MAGI2: variants seen among roughly 807,000 people sequenced by gnomAD.
MAGI2 encodes membrane associated guanylate kinase, WW and PDZ domain containing 2, also known as membrane-associated guanylate kinase, WW and PDZ domain-containing protein 2.
In MAGI2, 35 loss-of-function variants were observed where a neutral mutation model predicts 133.3. That is an observed-to-expected ratio of 0.26 (90% CI 0.20 to 0.35). The LOEUF (loss-of-function observed/expected upper bound fraction) is 0.35. Among genes scored for constraint, MAGI2 ranks in the 10% least tolerant of loss-of-function variants. The pLI is 1.00. For missense variants in MAGI2, 1,636 were observed against 1,863.4 expected, an observed-to-expected ratio of 0.88 and a Z score of 2.25; for synonymous variants, 729 against 710.6, an observed-to-expected ratio of 1.03 and a Z score of -0.41.
chr7:79,085,211 G>A (rs144308435), intron 1 of MAGI2, among the ~76,000 whole-genome samples: 85 of 151,734 alleles, frequency 5.6e-4, no homozygotes, highest in African/African-American at 2.0e-3. Flanking sequence ...CAATGTATCT[G>A]TCTTGAAGTT....
chr7:78,033,984 G>A (rs1809890931), intron 21 of MAGI2, among the ~76,000 whole-genome samples: 1 of 152,188 alleles, frequency 6.6e-6, no homozygotes, highest in Admixed American at 6.5e-5. Flanking sequence ...AGTCAACCCA[G>A]AATACCAACA....
At chr7:78,345,417 G>A (rs1276939314) in intron 8 of MAGI2, 1 of 152,778 alleles carries the variant, frequency 6.5e-6, no homozygotes, top group African/African-American at 2.4e-5. Context: ...GGTGTAGTCA[G>A]GTCCCGCAAG....
chr7:78,757,923 T>C (rs992880262), intron 2 of MAGI2, among the ~76,000 whole-genome samples: 1 of 152,172 alleles, frequency 6.6e-6, no homozygotes, highest in Admixed American at 6.6e-5. Flanking sequence ...TCCAGAACGA[T>C]ACACCCAGCT....
intron 6 of MAGI2, among the ~76,000 whole-genome samples, chr7:78,481,230 T>C (rs907073120): frequency 1.3e-5 from 2 of 151,904 alleles, no homozygotes; most frequent in African/African-American, 4.8e-5. Flanking sequence ...CTCACAGTTG[T>C]ACATGGCTGA....
At chr7:79,448,373 G>T (rs1563234832) in intron 1 of MAGI2, among the ~76,000 whole-genome samples, 2 of 151,930 alleles carry the variant, frequency 1.3e-5, no homozygotes, top group African/African-American at 2.4e-5. Flanking sequence ...CAGTTAATTT[G>T]AATTGAGTAA....
intron 2 of MAGI2, among the ~76,000 whole-genome samples, chr7:78,784,724 C>T (rs762328915): frequency 6.6e-6 from 1 of 152,202 alleles, no homozygotes. Flanking sequence ...GTCTATTCTT[C>T]ATGAAGACTA....
chr7:78,941,055 T>A (rs1800925639), intron 2 of MAGI2, among the ~76,000 whole-genome samples: 1 of 151,898 alleles, frequency 6.6e-6, no homozygotes, highest in South Asian at 2.1e-4. Flanking sequence ...TCAGGCTTTA[T>A]ACTTGGCTAT....
chr7:79,331,959 G>A (rs927113411), intron 1 of MAGI2, among the ~76,000 whole-genome samples: 74 of 142,804 alleles, frequency 5.2e-4, no homozygotes, highest in Admixed American at 1.0e-3. Flanking sequence ...AAAAAAAAAG[G>A]AAAAAAAAAT....
intron 3 of MAGI2, among the ~76,000 whole-genome samples, chr7:78,523,915 A>G (rs185343644): frequency 1.3e-5 from 2 of 152,320 alleles, no homozygotes; most frequent in Non-Finnish European, 2.9e-5. Context: ...AGCCCACTCC[A>G]GACACTTATG....
chr7:79,168,936 A>ATT (rs59175251), intron 1 of MAGI2, among the ~76,000 whole-genome samples: 1 of 142,512 alleles, frequency 7.0e-6, no homozygotes, highest in Non-Finnish European at 1.5e-5. Context: ...ATATATATAA[A>ATT]TTTTTTTTCC....
At chr7:78,457,487 GAAT>G (rs1431896791) in intron 6 of MAGI2, among the ~76,000 whole-genome samples, 1 of 152,078 alleles carries the variant, frequency 6.6e-6, no homozygotes, top group Admixed American at 6.6e-5. Flanking sequence ...TTCCAAATTG[GAAT>G]AATAAGGTCT....
chr7:78,302,652 T>TC (rs1254117483), intron 9 of MAGI2, among the ~76,000 whole-genome samples: 2 of 152,206 alleles, frequency 1.3e-5, no homozygotes, highest in African/African-American at 4.8e-5. Flanking sequence ...CTAATACATT[T>TC]CAGGCACTGC....
At chr7:79,176,474 T>A (rs920995335) in intron 1 of MAGI2, among the ~76,000 whole-genome samples, 2 of 152,056 alleles carry the variant, frequency 1.3e-5, no homozygotes, top group African/African-American at 4.8e-5. Context: ...CAAGGTCAAC[T>A]CCATCTCAGA....
intron 2 of MAGI2, among the ~76,000 whole-genome samples, chr7:78,890,179 A>G (rs1290607965): frequency 6.6e-6 from 1 of 152,222 alleles, no homozygotes; most frequent in Non-Finnish European, 1.5e-5. Context: ...AGAGCTAACT[A>G]TCCTAAATAT....
At chr7:79,140,316 C>T (rs2129546121) in intron 1 of MAGI2, among the ~76,000 whole-genome samples, 1 of 152,264 alleles carries the variant, frequency 6.6e-6, no homozygotes, top group South Asian at 2.1e-4. Context: ...AATTTAATCT[C>T]TGCATATCTA....
chr7:78,754,403 A>C (rs1178843192), intron 2 of MAGI2, among the ~76,000 whole-genome samples: 1 of 151,806 alleles, frequency 6.6e-6, no homozygotes, highest in Non-Finnish European at 1.5e-5. Context: ...ATAAATAAAT[A>C]AATAAATGCT....
chr7:78,511,892 G>C (rs993942986), intron 4 of MAGI2, among the ~76,000 whole-genome samples: 1 of 151,124 alleles, frequency 6.6e-6, no homozygotes, highest in Non-Finnish European at 1.5e-5. Flanking sequence ...TCAGGAGATC[G>C]AGACCAGACT....
At position 78,019,963 on chromosome 7, in the gene MAGI2, G is replaced by C; in HGVS notation, c.3720C>G (p.Pro1240=). 6.2e-7 allele frequency: 1 copy of C among 1,606,632 alleles called. No homozygotes were observed. Residue 1240 remains proline, a synonymous_variant, in exon 22 of 22, where the codon CCC becomes CCG. Transcript: ENST00000354212. ...GQVPEYDEPA[P]WSSPAAAAPG... ...GGGCGGCGGCAGCGGGAGAACTCCA[G>C]GGGGCGGGTTCGTCTGTGGACGGGA...
intron 3 of MAGI2, among the ~76,000 whole-genome samples, chr7:78,573,404 A>ATATATATATATATATATAT (rs1563189772): frequency 1.2e-5 from 1 of 85,966 alleles, no homozygotes; most frequent in Non-Finnish European, 2.1e-5. Flanking sequence ...ATATATATAT[A>ATATATATATATATATATAT]GGCTGCCACT....
Sources: allele counts gnomAD v4.1 joint callset (sites outside exome capture counted in the v4.1 genomes callset), GRCh38; gene constraint gnomAD v4.1.1; transcripts MANE v1.5; gene names NCBI Gene and HGNC (gene_info 2026-07-23, HGNC 2026-07-21).